Variants in PCDHGA3 observed in about 807,000 individuals in gnomAD.
PCDHGA3 encodes the protein protocadherin gamma subfamily A, 3, also known as protocadherin gamma-A3.
A neutral mutation model predicts 58.5 loss-of-function variants in PCDHGA3; 40 were observed. The ratio of observed to expected loss-of-function variants is 0.68; its 90% CI spans 0.53 to 0.89. The LOEUF (loss-of-function observed/expected upper bound fraction) is 0.89, where lower values mean the gene tolerates loss of function less well. Among genes scored for constraint, PCDHGA3 ranks in the 40% least tolerant of loss-of-function variants. The pLI, the probability that PCDHGA3 is intolerant of heterozygous loss-of-function variation, is 0.00. For synonymous variants in PCDHGA3, 530 were observed against 525.7 expected, an observed-to-expected ratio of 1.01 and a Z score of -0.11; for missense variants, 1,223 against 1,195.9, an observed-to-expected ratio of 1.02 and a Z score of -0.33.
intron 1 of PCDHGA3, chr5:141,372,378 C>T: frequency 6.2e-7 from 1 of 1,614,030 alleles, no homozygotes; most frequent in African/African-American, 1.3e-5. Context: ...CATGCTGCAC[C>T]TAATCTTCGC....
rs1407774111 is a variant in PCDHGA3 at position 141,431,569 on chromosome 5, C to G, written c.2425-63238C>G. On this transcript the variant is annotated intron_variant, in intron 1 of 3. Transcript: ENST00000253812. The surrounding 1 kb of genome is among the most constrained non-coding windows in gnomAD (Gnocchi z 4.8). Reference sequence around the variant, plus strand: ...TTGTAGTCAACGCTACCGACCCTGACGAAGGAGTCAATGCGGAAGTGAGGT... The same window carrying G: ...TTGTAGTCAACGCTACCGACCCTGAGGAAGGAGTCAATGCGGAAGTGAGGT... 5.6e-6 allele frequency: 9 copies of G among 1,614,000 alleles called. No homozygotes were observed. Among genetic ancestry groups the G allele is most frequent in the African/African-American group, 2.7e-5 (2 of 74,932 alleles).
chr5:141,421,272 G>A, intron 1 of PCDHGA3: 1 of 1,612,340 alleles, frequency 6.2e-7, no homozygotes, highest in Non-Finnish European at 8.5e-7. Context: ...GGCTGCTGCT[G>A]CTGCTGTGCA....
chr5:141,471,906 G>A (rs1376234079), intron 1 of PCDHGA3, among the ~76,000 whole-genome samples: 2 of 152,192 alleles, frequency 1.3e-5, no homozygotes, highest in African/African-American at 4.8e-5. Context: ...CTACAGACAA[G>A]CATGAGGGAA....
At chr5:141,405,188 G>T (rs2094622261) in intron 1 of PCDHGA3, 1 of 1,613,954 alleles carries the variant, frequency 6.2e-7, no homozygotes, top group African/African-American at 1.3e-5. Context: ...TGTAGATGGG[G>T]TTCGAGCTTT....
At chr5:141,448,220 G>A (rs750470070) in intron 1 of PCDHGA3, among the ~76,000 whole-genome samples, 9 of 152,148 alleles carry the variant, frequency 5.9e-5, no homozygotes, top group Non-Finnish European at 1.0e-4. Flanking sequence ...GTATGCGAAT[G>A]TATGTGTGGG....
At chr5:141,420,722 A>G (rs1428516588) in intron 1 of PCDHGA3, among the ~76,000 whole-genome samples, 1 of 152,226 alleles carries the variant, frequency 6.6e-6, no homozygotes, top group African/African-American at 2.4e-5. Context: ...CGTTCCTTTC[A>G]GTCGGTTAAA....
intron 1 of PCDHGA3, among the ~76,000 whole-genome samples, chr5:141,359,245 T>A (rs910356279): frequency 1.3e-5 from 2 of 152,062 alleles, no homozygotes; most frequent in Non-Finnish European, 2.9e-5. Flanking sequence ...TTAAAGTAAT[T>A]AAGCCATAAA....
Position 141,431,180 on chromosome 5 carries a change from A to C in PCDHGA3, c.2425-63627A>C. The C allele has an allele frequency of 6.2e-7, 1 of 1,614,246 alleles. No homozygotes were observed. The highest frequency in any genetic ancestry group is 8.5e-7 in the Non-Finnish European group (1 of 1,180,044). On this transcript the variant is annotated intron_variant, in intron 1 of 3. Transcript: ENST00000253812. This position sits in a 1 kb window ranked among gnomAD's most constrained non-coding sequence, Gnocchi z 4.8. ...CTTTCGTGAAAGTGAATTAGAAATA[A>C]AAATTAGTGAAAATGCAGCCACTGA...
chr5:141,457,997 G>A (rs2098934533), intron 1 of PCDHGA3, among the ~76,000 whole-genome samples: 1 of 152,152 alleles, frequency 6.6e-6, no homozygotes, highest in Non-Finnish European at 1.5e-5. Context: ...TAAAGCCTTG[G>A]CAAAATAACC....
intron 1 of PCDHGA3, among the ~76,000 whole-genome samples, chr5:141,461,739 C>T (rs1048636018): frequency 3.9e-5 from 6 of 152,134 alleles, no homozygotes; most frequent in Non-Finnish European, 7.4e-5. Context: ...GGCACAATCC[C>T]GGCTCCCAGA....
intron 1 of PCDHGA3, among the ~76,000 whole-genome samples, chr5:141,464,748 T>A (rs995568259): frequency 2.0e-5 from 3 of 152,190 alleles, no homozygotes; most frequent in Admixed American, 2.0e-4. Flanking sequence ...TATCTTTTTG[T>A]TTTTTTAGAG....
intron 1 of PCDHGA3, chr5:141,409,850 G>T (rs1301108879): frequency 6.2e-7 from 1 of 1,612,142 alleles, no homozygotes; most frequent in South Asian, 1.1e-5. Context: ...GAGCCTGCGC[G>T]TGTTGGTGGG....
chr5:141,426,491 G>A, intron 1 of PCDHGA3: 1 of 336,822 alleles, frequency 3.0e-6, no homozygotes, highest in South Asian at 2.4e-5. Flanking sequence ...CTTAGAGTTA[G>A]TGCAGAGAAA....
chr5:141,419,333 A>G, intron 1 of PCDHGA3: 2 of 1,613,804 alleles, frequency 1.2e-6, no homozygotes, highest in South Asian at 1.1e-5. Context: ...CTACTCTCTC[A>G]TTGCCAGCGA....
At chr5:141,384,941 C>G in intron 1 of PCDHGA3, 1 of 1,614,104 alleles carries the variant, frequency 6.2e-7, no homozygotes, top group Non-Finnish European at 8.5e-7. Context: ...CTTGAGCCCT[C>G]CGACGGTCCT....
At chr5:141,383,607 T>C in intron 1 of PCDHGA3, 1 of 1,613,780 alleles carries the variant, frequency 6.2e-7, no homozygotes, top group South Asian at 1.1e-5. Flanking sequence ...TGGATGTGAA[T>C]GACCACACGC....
intron 1 of PCDHGA3, chr5:141,370,123 T>C (rs776466728): frequency 5.1e-6 from 2 of 388,722 alleles, no homozygotes; most frequent in Non-Finnish European, 9.1e-6. Flanking sequence ...TAGCTCCTTA[T>C]TTGGAGCTGA....
At chr5:141,381,445 G>C (rs1777202904) in intron 1 of PCDHGA3, among the ~76,000 whole-genome samples, 1 of 152,248 alleles carries the variant, frequency 6.6e-6, no homozygotes. Context: ...TGTCAGGACA[G>C]TCCTGCATTT....
Position 141,415,740 on chromosome 5 carries a change from G to GTTTTTTTTTTTTTTT in PCDHGA3, c.2424+69301_2424+69315dup, listed in dbSNP as rs57426385. 67 of 625,038 alleles carry GTTTTTTTTTTTTTTT rather than the reference G, an allele frequency of 1.1e-4. 1 individual carries two copies. Among genetic ancestry groups the GTTTTTTTTTTTTTTT allele is most frequent in the African/African-American group, 2.5e-4 (10 of 39,932 alleles). The allele number at this position is 625,038 out of a possible 1,614,324, so 38.7% of individuals were successfully genotyped here. A position where few individuals can be genotyped will look rare whatever the true frequency, so the allele number is the denominator to read the frequency against. ...TGAGTAGAATTTGATGTTTATTAAG[G>GTTTTTTTTTTTTTTT]TTTTTTTTTTTTTTTTTTTTTTTTT... On this transcript the variant is annotated intron_variant, in intron 1 of 3. Coordinates refer to ENST00000253812, the MANE Select transcript of PCDHGA3 (RefSeq NM_018916.4).
Sources: allele counts gnomAD v4.1 joint callset (sites outside exome capture counted in the v4.1 genomes callset), GRCh38; gene constraint gnomAD v4.1.1; non-coding constraint Gnocchi (gnomAD v3.1); transcripts MANE v1.5; gene names NCBI Gene and HGNC (gene_info 2026-07-23, HGNC 2026-07-21).